TRMT11: variants seen among roughly 807,000 people sequenced by gnomAD.
TRMT11 encodes tRNA (guanine(10)-N(2))-methyltransferase TRMT11.
In TRMT11, 53 loss-of-function variants were observed where a neutral mutation model predicts 62.8. That is an observed-to-expected ratio of 0.84 (90% CI 0.68 to 1.06). The LOEUF (loss-of-function observed/expected upper bound fraction) is 1.06, where lower values mean the gene tolerates loss of function less well. TRMT11 is among the 50% of genes least tolerant of loss of function. The pLI, the probability that TRMT11 is intolerant of heterozygous loss-of-function variation, is 0.00. For missense variants in TRMT11, 556 were observed against 553.4 expected, an observed-to-expected ratio of 1.00 and a Z score of -0.05; for synonymous variants, 188 against 190.3, an observed-to-expected ratio of 0.99 and a Z score of 0.10.
In TRMT11 at chr6:126,058,740, A is replaced by G. The variant is rs555207254; in HGVS notation, c.*1437+5550A>G. On this transcript the variant is annotated intron_variant and NMD_transcript_variant, in intron 17 of 22. Coordinates refer to the TRMT11 transcript ENST00000648977. ...GACACAATAAAAAATGATAAAGAGG[A>G]TATCTCAACTGATCCCACAGAAATA... Among the ~76,000 whole-genome samples the G allele has an allele frequency of 7.9e-5, 12 of 152,374 alleles. No individual in the cohort carries two copies. In the South Asian group the frequency reaches 2.5e-3, roughly 32 times the overall value.
At chr6:126,053,888 G>T (rs151299890) in intron 17 of TRMT11, among the ~76,000 whole-genome samples, 52 of 152,298 alleles carry the variant, frequency 3.4e-4, no homozygotes, top group African/African-American at 1.2e-3. Flanking sequence ...TGGAAGTTGC[G>T]TGATCATGTC....
At chr6:126,241,805 A>G in the TRMT11 span, among the ~76,000 whole-genome samples, 2 of 152,152 alleles carry the variant, frequency 1.3e-5, no homozygotes, top group Non-Finnish European at 1.5e-5. Flanking sequence ...CAAAATAATA[A>G]GAGCTATTCA....
At chr6:126,225,739 G>A in the TRMT11 span, among the ~76,000 whole-genome samples, 1 of 131,712 alleles carries the variant, frequency 7.6e-6, no homozygotes, top group Admixed American at 8.5e-5. Flanking sequence ...GTCCCAGGCC[G>A]AAGTGCAATG....
chr6:126,045,215 A>G (rs1020553037), intron 16 of TRMT11, among the ~76,000 whole-genome samples: 3 of 151,950 alleles, frequency 2.0e-5, no homozygotes, highest in Non-Finnish European at 4.4e-5. Flanking sequence ...GCAGATTGTC[A>G]TGCCCTGCTT....
rs114513591 is a variant in TRMT11, at chr6:126,127,486, C to A, written c.*1823+11631C>A. 2.2e-3 allele frequency among the ~76,000 whole-genome samples: 322 copies of A among 149,156 alleles called. 3 individuals carry two copies. The highest frequency in any genetic ancestry group is 3.6e-3 in the Non-Finnish European group (240 of 66,984). ...TTATTTAAAGAAGAGCCATCCAAATCTTTTTTTTTTAATTATACTTTAAGT... is the reference window on the plus strand; with the variant it reads ...TTATTTAAAGAAGAGCCATCCAAATATTTTTTTTTTAATTATACTTTAAGT... On this transcript the variant is annotated intron_variant and NMD_transcript_variant, in intron 21 of 22. Coordinates refer to the TRMT11 transcript ENST00000648977.
chr6:126,005,912 G>C (rs1268273209), intron 7 of TRMT11, among the ~76,000 whole-genome samples: 1 of 151,858 alleles, frequency 6.6e-6, no homozygotes, highest in Non-Finnish European at 1.5e-5. Flanking sequence ...TATACTCCTT[G>C]GCCATGTCTA....
intron 7 of TRMT11, among the ~76,000 whole-genome samples, chr6:126,003,922 C>A (rs1227345654): frequency 6.6e-6 from 1 of 151,988 alleles, no homozygotes; most frequent in Non-Finnish European, 1.5e-5. Flanking sequence ...TTTGTGTTTT[C>A]TTCTAGTGCT....
chr6:126,160,880 C>G (rs773229700), intron 21 of TRMT11, among the ~76,000 whole-genome samples: 17 of 152,082 alleles, frequency 1.1e-4, no homozygotes, highest in Non-Finnish European at 2.5e-4. Flanking sequence ...AGGAGCCTGT[C>G]AGAAAACTCC....
intron 21 of TRMT11, among the ~76,000 whole-genome samples, chr6:126,158,291 A>G (rs1778144258): frequency 6.6e-6 from 1 of 152,084 alleles, no homozygotes; most frequent in African/African-American, 2.4e-5. Flanking sequence ...GGACTGTTTG[A>G]CCTGTAAAGT....
chr6:126,178,316 A>G (rs1778414262), intron 1 of TRMT11, among the ~76,000 whole-genome samples: 2 of 152,180 alleles, frequency 1.3e-5, no homozygotes, highest in Non-Finnish European at 2.9e-5. Context: ...TCTTGGCCCA[A>G]TGTGGGAGAG....
At chr6:126,101,102 C>G (rs1329202690) in intron 17 of TRMT11, among the ~76,000 whole-genome samples, 1 of 152,090 alleles carries the variant, frequency 6.6e-6, no homozygotes, top group Non-Finnish European at 1.5e-5. Flanking sequence ...GCACACTGCT[C>G]ACTTCCTGCT....
intron 7 of TRMT11, among the ~76,000 whole-genome samples, chr6:126,005,363 A>G (rs1212105482): frequency 6.6e-6 from 1 of 152,046 alleles, no homozygotes; most frequent in Non-Finnish European, 1.5e-5. Context: ...CTTTTTACCA[A>G]TTAGTATGTG....
chr6:126,055,970 A>G (rs1776362576), intron 17 of TRMT11, among the ~76,000 whole-genome samples: 1 of 152,142 alleles, frequency 6.6e-6, no homozygotes, highest in Non-Finnish European at 1.5e-5. Flanking sequence ...TGAGACAACC[A>G]CTGTCACAGA....
chr6:126,211,086 G>A, the TRMT11 span, among the ~76,000 whole-genome samples: 2 of 151,680 alleles, frequency 1.3e-5, no homozygotes, highest in African/African-American at 2.4e-5. Context: ...AATGAGAGGT[G>A]GCAGCCACAT....
chr6:126,171,466 T>C (rs916006797), intron 21 of TRMT11, among the ~76,000 whole-genome samples: 2 of 152,116 alleles, frequency 1.3e-5, no homozygotes, highest in African/African-American at 4.8e-5. Context: ...CATGCTATGA[T>C]TGGGTTACTG....
At chr6:126,190,252 C>G (rs1434359601) in intron 1 of TRMT11, among the ~76,000 whole-genome samples, 7 of 152,150 alleles carry the variant, frequency 4.6e-5, no homozygotes, top group Admixed American at 3.9e-4. Context: ...CAACCCAAAT[C>G]ACATCTTGAA....
the TRMT11 span, among the ~76,000 whole-genome samples, chr6:126,271,628 A>G: frequency 1.3e-5 from 2 of 152,154 alleles, no homozygotes; most frequent in African/African-American, 4.8e-5. Flanking sequence ...AAAAGAAAAT[A>G]TGTAGGTTGC....
chr6:126,228,756 A>G, the TRMT11 span, among the ~76,000 whole-genome samples: 5 of 152,266 alleles, frequency 3.3e-5, no homozygotes, highest in East Asian at 1.9e-4. Context: ...CACCATTTTA[A>G]TGATTTCCAA....
chr6:126,062,111 C>A (rs1776551985), intron 17 of TRMT11, among the ~76,000 whole-genome samples: 1 of 152,150 alleles, frequency 6.6e-6, no homozygotes, highest in South Asian at 2.1e-4. Context: ...GTCTCTAACT[C>A]CTGGCCTCAA....
Sources: allele counts gnomAD v4.1 joint callset (sites outside exome capture counted in the v4.1 genomes callset), GRCh38; gene constraint gnomAD v4.1.1; transcripts MANE v1.5; gene names NCBI Gene and HGNC (gene_info 2026-07-23, HGNC 2026-07-21).